The following SLC24A4 variants were observed in gnomAD, a reference collection of about 807,000 sequenced individuals.
The protein encoded by SLC24A4 is sodium/potassium/calcium exchanger 4.
Under a neutral mutation model 79.0 loss-of-function variants are expected in SLC24A4, and 53 were observed. The observed-to-expected ratio is 0.67, with a 90% CI of 0.54 to 0.84. The LOEUF is 0.84. Among genes scored for constraint, SLC24A4 ranks in the 40% least tolerant of loss-of-function variants. The probability of loss-of-function intolerance (pLI) is 0.00; values close to 1 mark genes in which losing one functional copy is unlikely to be tolerated. For synonymous variants in SLC24A4, 323 were observed against 323.8 expected (o/e 1.00, Z 0.03); for missense variants, 731 against 822.0 (o/e 0.89, Z 1.35).
intron 14 of SLC24A4, among the ~76,000 whole-genome samples, chr14:92,489,777 G>A (rs1358768895): frequency 2.6e-5 from 4 of 152,116 alleles, no homozygotes; most frequent in African/African-American, 7.2e-5. Flanking sequence ...TGTGCAGAGC[G>A]GGAAGTCCAC....
chr14:92,389,672 A>G (rs1463810574), intron 2 of SLC24A4, among the ~76,000 whole-genome samples: 2 of 152,176 alleles, frequency 1.3e-5, no homozygotes, highest in Non-Finnish European at 2.9e-5. Flanking sequence ...ACTTGGCCCA[A>G]GTCACCTGGC....
intron 12 of SLC24A4, among the ~76,000 whole-genome samples, chr14:92,475,944 T>C (rs1317559588): frequency 6.6e-6 from 1 of 152,122 alleles, no homozygotes; most frequent in East Asian, 1.9e-4. Flanking sequence ...AACGGGTCGG[T>C]TGAAGCACTG....
At chr14:92,399,592 T>G (rs1457709184) in intron 2 of SLC24A4, among the ~76,000 whole-genome samples, 2 of 152,200 alleles carry the variant, frequency 1.3e-5, no homozygotes, top group East Asian at 1.9e-4. Flanking sequence ...TGCTTTCTGG[T>G]TATGGCTGTG....
chr14:92,458,665 C>G (rs1025261667), intron 12 of SLC24A4, among the ~76,000 whole-genome samples: 1 of 152,186 alleles, frequency 6.6e-6, no homozygotes, highest in Non-Finnish European at 1.5e-5. Flanking sequence ...GGTGATGAAC[C>G]AGGACGGGCC....
intron 2 of SLC24A4, among the ~76,000 whole-genome samples, chr14:92,343,744 C>A (rs1053743353): frequency 1.4e-5 from 2 of 146,426 alleles, no homozygotes; most frequent in Non-Finnish European, 3.0e-5. Flanking sequence ...ACTCTGTCAC[C>A]CAGACTGGAG....
At chr14:92,476,236 C>A (rs1894757200) in intron 12 of SLC24A4, among the ~76,000 whole-genome samples, 1 of 152,182 alleles carries the variant, frequency 6.6e-6, no homozygotes, top group Admixed American at 6.5e-5. Flanking sequence ...ATACACTAGG[C>A]CTTCCTCAGC....
chr14:92,475,821 C>T (rs991607470), intron 12 of SLC24A4, among the ~76,000 whole-genome samples: 3 of 152,318 alleles, frequency 2.0e-5, no homozygotes, highest in African/African-American at 7.2e-5. Context: ...TCACTATGTA[C>T]AGGAACTCTA....
At chr14:92,443,700 A>G (rs527293905) in intron 7 of SLC24A4, among the ~76,000 whole-genome samples, 5 of 152,328 alleles carry the variant, frequency 3.3e-5, no homozygotes, top group Admixed American at 3.3e-4. Context: ...CACAGAAAGC[A>G]GGAGAGAATA....
intron 2 of SLC24A4, among the ~76,000 whole-genome samples, chr14:92,427,756 C>T (rs28579858): frequency 0.087 from 13,284 of 152,236 alleles, 934 homozygotes; most frequent in African/African-American, 0.18. Context: ...CAGGGAAGGC[C>T]GAAGGAGCAG....
rs1286002639 is a variant in SLC24A4, at chr14:92,483,424, CAGTT to C, written c.1422+582_1422+585del. Among the ~76,000 whole-genome samples, 3 of 152,322 alleles carry C rather than the reference CAGTT, an allele frequency of 2.0e-5. No individual in the cohort carries two copies. In the East Asian group the frequency reaches 5.8e-4, roughly 29 times the overall value. On this transcript the variant is annotated intron_variant, in intron 13 of 16. Transcript: ENST00000532405. ...ATTGAGTAATTTCCCCAAGGTTACA[CAGTT>C]AGTGAGTGCCAGAGTTAGGATTAGG... is the stretch of plus-strand genomic sequence containing the variant.
At chr14:92,346,811 G>C (rs1886558600) in intron 2 of SLC24A4, among the ~76,000 whole-genome samples, 1 of 152,168 alleles carries the variant, frequency 6.6e-6, no homozygotes. Flanking sequence ...GTCTGCAGTG[G>C]TTTTTACATT....
intron 2 of SLC24A4, chr14:92,408,447 T>C (rs1169704906): frequency 1.0e-6 from 1 of 985,182 alleles, no homozygotes; most frequent in South Asian, 4.7e-5. Flanking sequence ...GAGTTTATTT[T>C]ACCTTGGAAG....
chr14:92,459,389 C>A (rs1191450067), intron 12 of SLC24A4, among the ~76,000 whole-genome samples: 1 of 152,162 alleles, frequency 6.6e-6, no homozygotes, highest in Non-Finnish European at 1.5e-5. Context: ...CCAGATGGCT[C>A]CTGGGTCCAG....
intron 2 of SLC24A4, among the ~76,000 whole-genome samples, chr14:92,340,179 G>A (rs1189095754): frequency 6.6e-6 from 1 of 152,250 alleles, no homozygotes; most frequent in Non-Finnish European, 1.5e-5. Context: ...TATATTCTGT[G>A]TTCCAAAGTA....
intron 12 of SLC24A4, among the ~76,000 whole-genome samples, chr14:92,479,129 C>G (rs1894923455): frequency 6.6e-6 from 1 of 152,174 alleles, no homozygotes; most frequent in Non-Finnish European, 1.5e-5. Flanking sequence ...ATCATGTCAT[C>G]TACAAATAGG....
rs148983533 is a variant in SLC24A4 at position 92,486,758 on chromosome 14, C to G, written c.1515C>G (p.Ala505=). 220 of 1,614,002 alleles carry G rather than the reference C, an allele frequency of 1.4e-4. 1 individual carries two copies. In the African/African-American group the frequency reaches 2.7e-3, roughly 20 times the overall value. The change falls in exon 14 of 17, where the codon GCC becomes GCG. Residue 505 remains alanine, a synonymous_variant. Coordinates refer to ENST00000532405, the MANE Select transcript of SLC24A4 (RefSeq NM_153646.4). ...GGACAAGTGTTCCAGACTGCATGGCCAGCCTAATTGTGGCGAGACAAGGTA... is the reference window on the plus strand; with the variant it reads ...GGACAAGTGTTCCAGACTGCATGGCGAGCCTAATTGTGGCGAGACAAGGTA... ...AAGTSVPDCM[A]SLIVARQGLG...
intron 2 of SLC24A4, among the ~76,000 whole-genome samples, chr14:92,424,184 C>T (rs1384003122): frequency 6.6e-6 from 1 of 152,128 alleles, no homozygotes; most frequent in Admixed American, 6.6e-5. Context: ...TAACTACCTA[C>T]CTCTGCAAAG....
chr14:92,479,195 T>C (rs184518706), intron 12 of SLC24A4, among the ~76,000 whole-genome samples: 3 of 152,356 alleles, frequency 2.0e-5, no homozygotes, highest in Admixed American at 1.3e-4. Context: ...TTTTCTTGCC[T>C]AATTTTCTTG....
chr14:92,347,129 G>T (rs1311318797), intron 2 of SLC24A4, among the ~76,000 whole-genome samples: 1 of 152,302 alleles, frequency 6.6e-6, no homozygotes, highest in South Asian at 2.1e-4. Context: ...TTTAAAAGTA[G>T]AGGCCCTTCA....
Sources: allele counts gnomAD v4.1 joint callset (sites outside exome capture counted in the v4.1 genomes callset), GRCh38; gene constraint gnomAD v4.1.1; transcripts MANE v1.5; gene names NCBI Gene and HGNC (gene_info 2026-07-23, HGNC 2026-07-21).